CAMTA1: variants seen among roughly 807,000 people sequenced by gnomAD.
CAMTA1 encodes the protein calmodulin-binding transcription activator 1.
In CAMTA1, 27 loss-of-function variants were observed where a neutral mutation model predicts 170.9. The ratio of observed to expected loss-of-function variants is 0.16; its 90% CI spans 0.12 to 0.22. The LOEUF is 0.22. CAMTA1 is among the 10% of genes least tolerant of loss of function. The probability of loss-of-function intolerance (pLI) is 1.00; values close to 1 mark genes in which losing one functional copy is unlikely to be tolerated. For missense variants in CAMTA1, 1,619 were observed against 2,217.2 expected (o/e 0.73, Z 5.42); for synonymous variants, 833 against 891.5 (o/e 0.93, Z 1.17).
intron 11 of CAMTA1, among the ~76,000 whole-genome samples, chr1:7,679,858 G>A (rs1168500284): frequency 6.6e-6 from 1 of 152,248 alleles, no homozygotes; most frequent in Non-Finnish European, 1.5e-5. Context: ...GCAGATCAGG[G>A]CCCTGAAGGA....
chr1:7,281,799 T>TTGTGTGTGTG (rs57489369), intron 5 of CAMTA1, among the ~76,000 whole-genome samples: 23 of 139,218 alleles, frequency 1.7e-4, no homozygotes, highest in Middle Eastern at 3.4e-3. Flanking sequence ...GGGAAAGAAA[T>TTGTGTGTGTG]TGTGTGTGTG....
At chr1:7,601,791 AC>A (rs1222859800) in intron 6 of CAMTA1, among the ~76,000 whole-genome samples, 1 of 151,984 alleles carries the variant, frequency 6.6e-6, no homozygotes, top group African/African-American at 2.4e-5. Flanking sequence ...AAATACGAAA[AC>A]CAGTCAGGCA....
intron 3 of CAMTA1, among the ~76,000 whole-genome samples, chr1:7,023,202 C>T (rs1048699235): frequency 1.3e-5 from 2 of 152,220 alleles, no homozygotes; most frequent in Admixed American, 1.3e-4. Context: ...GAGACCAAAT[C>T]CTGCACTATC....
intron 4 of CAMTA1, among the ~76,000 whole-genome samples, chr1:7,191,186 T>A (rs1351713169): frequency 6.6e-6 from 1 of 152,222 alleles, no homozygotes; most frequent in East Asian, 1.9e-4. Flanking sequence ...CTATCAGAAA[T>A]AAATGGTGCT....
At chr1:7,285,467 C>T (rs370432932) in intron 5 of CAMTA1, among the ~76,000 whole-genome samples, 2 of 152,168 alleles carry the variant, frequency 1.3e-5, no homozygotes, top group East Asian at 1.9e-4. Flanking sequence ...CTTGGGCCTA[C>T]GGATGATCAG....
intron 3 of CAMTA1, among the ~76,000 whole-genome samples, chr1:7,054,321 T>G (rs1322492787): frequency 6.6e-6 from 1 of 152,234 alleles, no homozygotes. Flanking sequence ...ATGTCTGGGT[T>G]TCTATGACGA....
At chr1:6,929,013 T>C (rs1683872939) in intron 3 of CAMTA1, among the ~76,000 whole-genome samples, 1 of 152,208 alleles carries the variant, frequency 6.6e-6, no homozygotes, top group Admixed American at 6.5e-5. Context: ...CTTTTTATTA[T>C]TATTTTTTTA....
intron 4 of CAMTA1, among the ~76,000 whole-genome samples, chr1:7,120,665 C>T (rs74051129): frequency 0.014 from 2,202 of 152,286 alleles, 40 homozygotes; most frequent in African/African-American, 0.05. Context: ...GTAGGGATAA[C>T]GCAGGGGGGA....
intron 3 of CAMTA1, among the ~76,000 whole-genome samples, chr1:6,969,381 G>T (rs1692136320): frequency 6.6e-6 from 1 of 152,208 alleles, no homozygotes; most frequent in Non-Finnish European, 1.5e-5. Context: ...CAGGTTGGGG[G>T]AGTGAGCGGC....
chr1:7,385,053 C>G (rs1475532754), intron 5 of CAMTA1, among the ~76,000 whole-genome samples: 1 of 151,754 alleles, frequency 6.6e-6, no homozygotes, highest in African/African-American at 2.4e-5. Context: ...GCAGAACAGC[C>G]CTCCTATGCC....
At chr1:7,106,923 G>T (rs1643644233) in intron 4 of CAMTA1, among the ~76,000 whole-genome samples, 1 of 152,048 alleles carries the variant, frequency 6.6e-6, no homozygotes, top group Non-Finnish European at 1.5e-5. Flanking sequence ...TTGTTATTTG[G>T]AGGATGAGAT....
intron 4 of CAMTA1, among the ~76,000 whole-genome samples, chr1:7,166,038 C>T (rs1648336501): frequency 6.7e-6 from 1 of 149,940 alleles, no homozygotes; most frequent in African/African-American, 2.4e-5. Context: ...GCTAGTGTCT[C>T]TCTAAGCGGG....
At chr1:7,713,142 T>A (rs1216252159) in intron 11 of CAMTA1, among the ~76,000 whole-genome samples, 3 of 152,018 alleles carry the variant, frequency 2.0e-5, no homozygotes, top group African/African-American at 7.2e-5. Flanking sequence ...ACAGAGTGAG[T>A]GAGGGAGTCT....
chr1:7,566,691 T>C (rs1486228691), intron 6 of CAMTA1, among the ~76,000 whole-genome samples: 1 of 152,216 alleles, frequency 6.6e-6, no homozygotes, highest in Admixed American at 6.5e-5. Flanking sequence ...TGAGTCCCTC[T>C]GGGCTGTGTC....
chr1:7,044,414 C>CCGTGCCA lies in CAMTA1; in HGVS notation c.235-46888_235-46882dup, dbSNP rs1705016041. 6.6e-6 allele frequency among the ~76,000 whole-genome samples: 1 copy of CCGTGCCA among 152,170 alleles called. No individual in the cohort carries two copies. Among genetic ancestry groups the CCGTGCCA allele is most frequent in the Non-Finnish European group, 1.5e-5 (1 of 68,006 alleles). On this transcript the variant is annotated intron_variant, in intron 3 of 22. Coordinates refer to ENST00000303635, the MANE Select transcript of CAMTA1 (RefSeq NM_015215.4). This position sits in a 1 kb window ranked among gnomAD's most constrained non-coding sequence, Gnocchi z 5.0. ...TGCTGGGGACGCCGAGGACGCAGAG[C>CCGTGCCA]CGTGCCACTGGGGACCCCGGGAAAG...
At position 7,751,051 on chromosome 1, in the gene CAMTA1, G is replaced by C. The variant is rs905299633; in HGVS notation, c.4690-148G>C. On this transcript the variant is annotated intron_variant, in intron 19 of 22. Transcript: ENST00000303635. ...AGGTAGGTGTAAAGATTCCTCATTTGCCTCTTTTGTGATTAAACCCCGGAC... is the reference window on the plus strand; with the variant it reads ...AGGTAGGTGTAAAGATTCCTCATTTCCCTCTTTTGTGATTAAACCCCGGAC... The C allele has an allele frequency of 4.0e-6, 3 of 751,398 alleles. No individual in the cohort carries two copies. In the African/African-American group the frequency reaches 5.2e-5, roughly 13 times the overall value. The allele number at this position is 751,398 out of a possible 1,614,324, so 46.5% of individuals were successfully genotyped here.
intron 3 of CAMTA1, among the ~76,000 whole-genome samples, chr1:7,018,295 A>G (rs972809616): frequency 3.3e-5 from 5 of 152,108 alleles, no homozygotes; most frequent in African/African-American, 1.2e-4. Context: ...TTTAACAAGA[A>G]AGAAGTCATG....
In CAMTA1 at chr1:7,155,436, C is replaced by T. The variant is rs533501244; in HGVS notation, c.302+64065C>T. ...AGAGTGGCGCCCACAGAGCAGGACA[C>T]GGAGAAGCCTTGAGCTGGAAATAAG... On this transcript the variant is annotated intron_variant, in intron 4 of 22. Coordinates refer to ENST00000303635, the MANE Select transcript of CAMTA1 (RefSeq NM_015215.4). Among the ~76,000 whole-genome samples, 73 of 150,270 alleles carry T rather than the reference C, an allele frequency of 4.9e-4. 2 individuals carry two copies. In the South Asian group the frequency reaches 1.0e-2, roughly 21 times the overall value.
At chr1:7,087,915 G>A (rs1365709041) in intron 3 of CAMTA1, among the ~76,000 whole-genome samples, 2 of 152,132 alleles carry the variant, frequency 1.3e-5, no homozygotes, top group East Asian at 1.9e-4. Context: ...TGTGGTTTTC[G>A]TTCTTTAGCG....
Sources: gnomAD v4.1 joint callset for allele counts (sites outside exome capture counted in the v4.1 genomes callset) on GRCh38, gnomAD v4.1.1 for gene constraint, Gnocchi (gnomAD v3.1) non-coding constraint, MANE v1.5 for transcripts, NCBI Gene and HGNC (gene_info 2026-07-23, HGNC 2026-07-21) for gene names.